The following ZNF445 variants were observed in gnomAD, a reference collection of about 807,000 sequenced individuals.
ZNF445 encodes zinc finger protein 168.
In ZNF445, 19 loss-of-function variants were observed where a neutral mutation model predicts 93.9. That is an observed-to-expected ratio of 0.20 (90% CI 0.14 to 0.30). The LOEUF is 0.30. ZNF445 is among the 10% of genes least tolerant of loss of function. The probability of loss-of-function intolerance (pLI) is 1.00; values close to 1 mark genes in which losing one functional copy is unlikely to be tolerated. For synonymous variants in ZNF445, 449 were observed against 446.3 expected, an observed-to-expected ratio of 1.01 and a Z score of -0.08; for missense variants, 1,058 against 1,259.4, an observed-to-expected ratio of 0.84 and a Z score of 2.42.
Position 44,451,417 on chromosome 3 carries a change from C to G in ZNF445, c.495G>C (p.Gln165His), listed in dbSNP as rs1042178794. The G allele has an allele frequency of 2.5e-6, 4 of 1,614,166 alleles. No homozygotes were observed. Among genetic ancestry groups the G allele is most frequent in the Non-Finnish European group, 8.5e-7 (1 of 1,180,010 alleles). The change falls in exon 4 of 8, where the codon CAG (glutamine) becomes CAC (histidine). Residue 165 changes from glutamine to histidine, a missense_variant. Around this residue, in one of 3 missense-constraint regions of ZNF445, gnomAD observed 657 missense variants for 746.4 expected, o/e 0.88. Coordinates refer to ENST00000396077, the MANE Select transcript of ZNF445 (RefSeq NM_181489.6). ...TGAGAGGTGAAGCAAGGGACCATAT[C>G]TGTGCAGATCGCAGGGCTCCTGTAC... is the stretch of plus-strand genomic sequence containing the variant. ...WMGTGALRSA[Q>H]IWSLASPLRS...
At chr3:44,471,728 C>T (rs1698271629) in intron 1 of ZNF445, among the ~76,000 whole-genome samples, 1 of 152,170 alleles carries the variant, frequency 6.6e-6, no homozygotes, top group African/African-American at 2.4e-5. Flanking sequence ...CAGCCCTACT[C>T]TATGGGCCAA....
intron 1 of ZNF445, among the ~76,000 whole-genome samples, chr3:44,466,258 C>A (rs143813477): frequency 0.084 from 12,751 of 152,106 alleles, 705 homozygotes; most frequent in Non-Finnish European, 0.12. Flanking sequence ...TTTGTGATAT[C>A]CAGTGTTTTA....
At chr3:44,477,531 G>C (rs1056168220) in intron 1 of ZNF445, 60 bp downstream of exon 1, 5 of 152,212 alleles carry the variant, frequency 3.3e-5, no homozygotes, top group African/African-American at 1.2e-4. Flanking sequence ...CGCGGACTTC[G>C]GGGAGCCCCG....
At position 44,455,503 on chromosome 3, in the gene ZNF445, G is replaced by A; in HGVS notation, c.47C>T (p.Ser16Phe). The A allele has an allele frequency of 6.2e-7, 1 of 1,611,390 alleles. No homozygotes were observed. Among genetic ancestry groups the A allele is most frequent in the Middle Eastern group, 1.7e-4 (1 of 6,050 alleles). The change falls in exon 3 of 8, where the codon TCT (serine) becomes TTT (phenylalanine). Residue 16 changes from serine to phenylalanine, a missense_variant. Coordinates refer to ENST00000396077, the MANE Select transcript of ZNF445 (RefSeq NM_181489.6). ...WHAAYPAQAQ[S>F]SRERGRLQTV... ...CTGAAGCCGCCCTCGCTCCCTCGAA[G>A]ACTGGGCCTGAGCTGGATAGGCAGC...
chr3:44,450,308 G>A, intron 6 of ZNF445, 139 bp downstream of exon 6: 1 of 985,944 alleles, frequency 1.0e-6, no homozygotes, highest in Admixed American at 2.0e-5. Context: ...AGGCTACCAA[G>A]GTGCTAGATT....
intron 1 of ZNF445, among the ~76,000 whole-genome samples, chr3:44,460,385 T>C (rs1420380914): frequency 6.6e-6 from 1 of 152,200 alleles, no homozygotes. Flanking sequence ...AGATTGCCTT[T>C]GTAGGACTAA....
chr3:44,447,970 T>C lies in ZNF445; in HGVS notation c.1701A>G (p.Lys567=). 6.2e-7 allele frequency: 1 copy of C among 1,612,854 alleles called. No individual in the cohort carries two copies. Among genetic ancestry groups the C allele is most frequent in the South Asian group, 1.1e-5 (1 of 91,058 alleles). Residue 567 remains lysine (K), a synonymous_variant, in exon 8 of 8, where the codon AAA becomes AAG. Coordinates refer to ENST00000396077, the MANE Select transcript of ZNF445 (RefSeq NM_181489.6). This position sits in a 1 kb window ranked among gnomAD's most constrained non-coding sequence, Gnocchi z 4.7. Reference sequence around the variant, plus strand: ...CCCTATACTGATTCAATTCAAGAAATTTCTTCTTAGCATGGGTTTCTCGGT... The same window carrying C: ...CCCTATACTGATTCAATTCAAGAAACTTCTTCTTAGCATGGGTTTCTCGGT... ...RLHRETHAKK[K]FLELNQYRAA... is the part of the protein sequence containing the mutation.
At chr3:44,459,956 C>T (rs904161293) in intron 1 of ZNF445, among the ~76,000 whole-genome samples, 1 of 152,160 alleles carries the variant, frequency 6.6e-6, no homozygotes, top group Admixed American at 6.5e-5. Context: ...AATTCTAGCA[C>T]TTTAGGAGGC....
rs1272941819 is a variant in ZNF445 at position 44,436,047 on chromosome 3, T to C, written c.*10528A>G. On this transcript the variant is annotated 3_prime_UTR_variant, in exon 8 of 8. Transcript: ENST00000396077. ...TATTGTCAGTGCAGCAGGGTCCTAC[T>C]TCAAAGGGACCTGGCCTATCCTTTA... The C allele has an allele frequency of 6.6e-6, 1 of 152,216 alleles. No homozygotes were observed. Among genetic ancestry groups the C allele is most frequent in the Non-Finnish European group, 1.5e-5 (1 of 68,032 alleles). The allele number at this position is 152,216 out of a possible 1,614,324, so 9.4% of individuals were successfully genotyped here. A position where few individuals can be genotyped will look rare whatever the true frequency, so the allele number is the denominator to read the frequency against.
chr3:44,455,180 C>G lies in ZNF445; in HGVS notation c.370G>C (p.Glu124Gln). The change falls in exon 3 of 8, where the codon GAG (glutamate) becomes CAG (glutamine). Residue 124 changes from glutamate to glutamine, a missense_variant. Glu to Gln is a conservative substitution (Grantham distance 29). Around this residue, in one of 3 missense-constraint regions of ZNF445, gnomAD observed 657 missense variants for 746.4 expected, o/e 0.88. Coordinates refer to ENST00000396077, the MANE Select transcript of ZNF445 (RefSeq NM_181489.6). ...TCCTCCAGCAAGGCCACAGCCTCCT[C>G]GCCACTCTCAGGGTTATGAAGCTGC... Reference protein sequence around the residue: ...WVQLHNPESGEEAVALLEELQ... With the variant: ...WVQLHNPESGQEAVALLEELQ... 6.2e-7 allele frequency: 1 copy of G among 1,614,198 alleles called. No individual in the cohort carries two copies.
intron 1 of ZNF445, among the ~76,000 whole-genome samples, chr3:44,462,360 C>G (rs1238123619): frequency 6.6e-6 from 1 of 152,164 alleles, no homozygotes; most frequent in East Asian, 1.9e-4. Flanking sequence ...AATTTTGAGG[C>G]TCATGTCATA....
At chr3:44,457,523 A>G (rs1575312674) in intron 2 of ZNF445, among the ~76,000 whole-genome samples, 1 of 152,310 alleles carries the variant, frequency 6.6e-6, no homozygotes, top group East Asian at 1.9e-4. Context: ...CGGCCTCCTA[A>G]GTAGCTGGGA....
chr3:44,470,020 T>A (rs1698245080), intron 1 of ZNF445, among the ~76,000 whole-genome samples: 1 of 152,030 alleles, frequency 6.6e-6, no homozygotes, highest in African/African-American at 2.4e-5. Context: ...CTCAAACTCC[T>A]GGGTTCAAGT....
intron 1 of ZNF445, among the ~76,000 whole-genome samples, chr3:44,465,338 A>C (rs1311473075): frequency 6.6e-6 from 1 of 152,210 alleles, no homozygotes; most frequent in Non-Finnish European, 1.5e-5. Context: ...GGTTTAAGCA[A>C]AGTCAAAAGG....
intron 1 of ZNF445, among the ~76,000 whole-genome samples, chr3:44,466,329 T>C (rs1698194466): frequency 1.3e-5 from 2 of 152,204 alleles, no homozygotes; most frequent in African/African-American, 4.8e-5. Flanking sequence ...CTTTCTAACC[T>C]AATATTTTAG....
At chr3:44,472,401 G>C (rs979309807) in intron 1 of ZNF445, among the ~76,000 whole-genome samples, 1 of 152,178 alleles carries the variant, frequency 6.6e-6, no homozygotes, top group African/African-American at 2.4e-5. Flanking sequence ...GGGGGAACAA[G>C]GGTTTCACTA....
At position 44,443,893 on chromosome 3, in the gene ZNF445, C is replaced by A. The variant is rs1332750185; in HGVS notation, c.*2682G>T. ...GTGGCTCACGCCTGTAATCCCAGCACTTTGGGAGGCAGAGGTGGGTGGATT... is the reference window on the plus strand; with the variant it reads ...GTGGCTCACGCCTGTAATCCCAGCAATTTGGGAGGCAGAGGTGGGTGGATT... On this transcript the variant is annotated 3_prime_UTR_variant, in exon 8 of 8. Coordinates refer to ENST00000396077, the MANE Select transcript of ZNF445 (RefSeq NM_181489.6). The A allele has an allele frequency of 6.6e-6, 1 of 151,814 alleles. No individual in the cohort carries two copies. The highest frequency in any genetic ancestry group is 1.9e-4 in the East Asian group (1 of 5,158). 9.4% of individuals were successfully genotyped at this position (151,814 alleles called of 1,614,324 possible). A position where few individuals can be genotyped will look rare whatever the true frequency, so the allele number is the denominator to read the frequency against.
At chr3:44,462,455 T>A (rs1204515928) in intron 1 of ZNF445, among the ~76,000 whole-genome samples, 1 of 152,222 alleles carries the variant, frequency 6.6e-6, no homozygotes, top group African/African-American at 2.4e-5. Context: ...GGAAGAACAG[T>A]AGAAACCGCT....
Position 44,455,779 on chromosome 3 carries a change from T to A in ZNF445, c.-147-83A>T, listed in dbSNP as rs1698021745. 3.2e-5 allele frequency: 16 copies of A among 493,530 alleles called. No individual in the cohort carries two copies. The South Asian group carries it at 4.5e-4, about 14-fold the overall frequency. The allele number at this position is 493,530 out of a possible 1,614,324, so 30.6% of individuals were successfully genotyped here. On this transcript the variant is annotated intron_variant, in intron 2 of 7. Coordinates refer to ENST00000396077, the MANE Select transcript of ZNF445 (RefSeq NM_181489.6). ...CTGGTTGGGATCATCTTTGTATATA[T>A]AAGAAGAGCGTTTGCACAAAGGTAT...
Sources: allele counts gnomAD v4.1 joint callset (sites outside exome capture counted in the v4.1 genomes callset), GRCh38; gene constraint gnomAD v4.1.1; regional missense constraint gnomAD v4.1.1; non-coding constraint Gnocchi (gnomAD v3.1); transcripts MANE v1.5; gene names NCBI Gene and HGNC (gene_info 2026-07-23, HGNC 2026-07-21).